Variants in WDR20 observed in about 807,000 individuals in gnomAD.
The protein encoded by WDR20 is WD repeat domain 20.
A neutral mutation model predicts 38.7 loss-of-function variants in WDR20; 3 were observed. The observed-to-expected ratio is 0.08, with a 90% CI of 0.04 to 0.20. The LOEUF (loss-of-function observed/expected upper bound fraction) is 0.20, where lower values mean the gene tolerates loss of function less well. Ranked by LOEUF, WDR20 falls within the 10% of genes least tolerant of loss-of-function variation. The pLI, the probability that WDR20 is intolerant of heterozygous loss-of-function variation, is 1.00. For synonymous variants in WDR20, 298 were observed against 285.6 expected, an observed-to-expected ratio of 1.04 and a Z score of -0.44; for missense variants, 559 against 727.7, an observed-to-expected ratio of 0.77 and a Z score of 2.67.
Position 102,210,364 on chromosome 14 carries a change from C to A in WDR20, c.*484C>A. 1 of 985,624 alleles carries A rather than the reference C, an allele frequency of 1.0e-6. No individual in the cohort carries two copies. Among genetic ancestry groups the A allele is most frequent in the Non-Finnish European group, 1.2e-6 (1 of 829,984 alleles). 61.1% of individuals were successfully genotyped at this position (985,624 alleles called of 1,614,324 possible). Reference sequence around the variant, plus strand: ...TCTTAATCATAAAATGTTTAGGAATCTATGAAATTTAACTTTAGGAACAAA... The same window carrying A: ...TCTTAATCATAAAATGTTTAGGAATATATGAAATTTAACTTTAGGAACAAA... On this transcript the variant is annotated 3_prime_UTR_variant, in exon 3 of 3. Coordinates refer to ENST00000342702, the MANE Select transcript of WDR20 (RefSeq NM_144574.4).
chr14:102,213,230 C>G (rs968617768), downstream of WDR20: 1 of 985,438 alleles, frequency 1.0e-6, no homozygotes, highest in Non-Finnish European at 1.2e-6. Context: ...TTTTCTTATT[C>G]AGAAGGAGAA....
intron 1 of WDR20, among the ~76,000 whole-genome samples, chr14:102,148,964 G>A (rs949534745): frequency 9.9e-5 from 15 of 152,086 alleles, no homozygotes; most frequent in African/African-American, 2.7e-4. Flanking sequence ...GTTTGAGACC[G>A]TCCTGGCTAA....
chr14:102,217,410 A>G (rs1169687683), downstream of WDR20, among the ~76,000 whole-genome samples: 2 of 152,108 alleles, frequency 1.3e-5, no homozygotes, highest in African/African-American at 4.8e-5. Context: ...TGAAGAGTAC[A>G]ATCCTTTTCT....
intron 1 of WDR20, among the ~76,000 whole-genome samples, chr14:102,148,669 T>TGTGTG (rs2054563368): frequency 4.8e-5 from 7 of 144,836 alleles, no homozygotes; most frequent in African/African-American, 7.9e-5. Context: ...GAGTTTGGCT[T>TGTGTG]TGTGTGTGTG....
chr14:102,213,024 G>A (rs1045806042), downstream of WDR20: 86 of 990,162 alleles, frequency 8.7e-5, no homozygotes, highest in African/African-American at 1.1e-3. Flanking sequence ...GCTCCCACCC[G>A]GCAAGGGGGC....
At chr14:102,176,160 C>T (rs899525023) in intron 1 of WDR20, among the ~76,000 whole-genome samples, 15 of 151,972 alleles carry the variant, frequency 9.9e-5, no homozygotes, top group African/African-American at 2.7e-4. Context: ...TTTGGGAGGC[C>T]GAGGTGGGCA....
chr14:102,149,992 C>A (rs181672843), intron 1 of WDR20, among the ~76,000 whole-genome samples: 1 of 152,132 alleles, frequency 6.6e-6, no homozygotes, highest in Non-Finnish European at 1.5e-5. Flanking sequence ...CGCACCCAGA[C>A]GTCGATTCTA....
chr14:102,144,934 A>C (rs576877740), intron 1 of WDR20, among the ~76,000 whole-genome samples: 169 of 152,254 alleles, frequency 1.1e-3, no homozygotes, highest in Admixed American at 5.8e-3. Flanking sequence ...CCTGGCCTCA[A>C]GTGATTCACC....
rs1344827832 is a variant in WDR20, at chr14:102,143,184, TA to T, written c.249+3015del. ...AAGGAAAATGAAGCACAGCTGAGTC[TA>T]AACCAGCTTAGAAGAGACTGATCCA... is the stretch of plus-strand genomic sequence containing the variant. On this transcript the variant is annotated intron_variant, in intron 1 of 2. Transcript: ENST00000342702. Among the ~76,000 whole-genome samples the T allele has an allele frequency of 2.6e-5, 4 of 152,316 alleles. No individual in the cohort carries two copies. The East Asian group carries it at 7.7e-4, about 29-fold the overall frequency.
Position 102,220,959 on chromosome 14 carries a change from G to A in WDR20, c.1693-1871G>A, listed in dbSNP as rs142655234. Among the ~76,000 whole-genome samples the A allele has an allele frequency of 1.3e-5, 2 of 152,276 alleles. No homozygotes were observed. Among genetic ancestry groups the A allele is most frequent in the African/African-American group, 4.8e-5 (2 of 41,566 alleles). Reference sequence around the variant, plus strand: ...CTAATTTTGTATTAGTAGAGATGGAGTTTCACCATGTTGGCCAGGCTGGTC... The same window carrying A: ...CTAATTTTGTATTAGTAGAGATGGAATTTCACCATGTTGGCCAGGCTGGTC... On this transcript the variant is annotated intron_variant, in intron 3 of 3. Coordinates refer to the WDR20 transcript ENST00000335263. This position sits in a 1 kb window ranked among gnomAD's most constrained non-coding sequence, Gnocchi z 4.2.
At chr14:102,213,249 T>G (rs2062781086), downstream of WDR20, 3 of 985,416 alleles carry the variant, frequency 3.0e-6, no homozygotes, top group Non-Finnish European at 3.6e-6. Flanking sequence ...AATTAAAAAT[T>G]CCCCCAGCGG....
At chr14:102,163,721 G>C (rs2152788684) in intron 1 of WDR20, among the ~76,000 whole-genome samples, 1 of 149,962 alleles carries the variant, frequency 6.7e-6, no homozygotes, top group Admixed American at 6.7e-5. Flanking sequence ...ATCTTATGTT[G>C]TTAGAATTCT....
rs542818685 is a variant in WDR20, at chr14:102,220,408, T to C, written c.1693-2422T>C. ...TAGTAATTTTTATATTGCTGAATAT[T>C]ATATGAAACATCTTCAGTTAAAATA... On this transcript the variant is annotated intron_variant, in intron 3 of 3. Coordinates refer to the WDR20 transcript ENST00000335263. This position sits in a 1 kb window ranked among gnomAD's most constrained non-coding sequence, Gnocchi z 4.2. Among the ~76,000 whole-genome samples the C allele has an allele frequency of 2.0e-5, 3 of 152,376 alleles. No individual in the cohort carries two copies. The highest frequency in any genetic ancestry group is 3.9e-4 in the East Asian group (2 of 5,190).
At chr14:102,217,919 AGGAGCAC>A (rs2063417971), downstream of WDR20, among the ~76,000 whole-genome samples, 1 of 152,250 alleles carries the variant, frequency 6.6e-6, no homozygotes, top group South Asian at 2.1e-4. Flanking sequence ...AGATTCTGCC[AGGAGCAC>A]CTGCCACAGA....
chr14:102,159,575 G>A (rs1044439094), intron 1 of WDR20, among the ~76,000 whole-genome samples: 3 of 152,116 alleles, frequency 2.0e-5, no homozygotes, highest in African/African-American at 4.8e-5. Flanking sequence ...GGCGCACGCC[G>A]GTAATCCCAA....
At chr14:102,169,368 C>T (rs1192979213) in intron 1 of WDR20, among the ~76,000 whole-genome samples, 1 of 152,196 alleles carries the variant, frequency 6.6e-6, no homozygotes, top group Admixed American at 6.5e-5. Context: ...TCTTCATGTT[C>T]CTTGCTGATG....
intron 1 of WDR20, among the ~76,000 whole-genome samples, chr14:102,172,819 C>T (rs1213275314): frequency 1.4e-5 from 2 of 147,540 alleles, no homozygotes; most frequent in African/African-American, 5.0e-5. Context: ...TCAGACGGGG[C>T]GGCTGCCGGG....
intron 1 of WDR20, among the ~76,000 whole-genome samples, chr14:102,147,092 A>G (rs147512828): frequency 6.6e-6 from 1 of 152,178 alleles, no homozygotes; most frequent in African/African-American, 2.4e-5. Flanking sequence ...TTGGCTTTGA[A>G]GAGGAGGGTG....
intron 2 of WDR20, among the ~76,000 whole-genome samples, chr14:102,205,001 C>T (rs2061258559): frequency 6.6e-6 from 1 of 152,196 alleles, no homozygotes; most frequent in South Asian, 2.1e-4. Context: ...AATCCCAGCA[C>T]TTCGAGAGGC....
Sources: gnomAD v4.1 joint callset for allele counts (sites outside exome capture counted in the v4.1 genomes callset) on GRCh38, gnomAD v4.1.1 for gene constraint, Gnocchi (gnomAD v3.1) non-coding constraint, MANE v1.5 for transcripts, NCBI Gene and HGNC (gene_info 2026-07-23, HGNC 2026-07-21) for gene names.